UBE2E2: variants seen among roughly 807,000 people sequenced by gnomAD.
The protein encoded by UBE2E2 is ubiquitin-conjugating enzyme E2 E2.
Under a neutral mutation model 24.7 loss-of-function variants are expected in UBE2E2, and 6 were observed. The observed-to-expected ratio is 0.24, with a 90% confidence interval of 0.13 to 0.48. UBE2E2 has a LOEUF of 0.48. Among genes scored for constraint, UBE2E2 ranks in the 20% least tolerant of loss-of-function variants. The pLI is 0.99. For missense variants in UBE2E2, 169 were observed against 245.0 expected (o/e 0.69, Z 2.07); for synonymous variants, 104 against 83.6 (o/e 1.24, Z -1.33).
chr3:23,455,325 TC>T (rs148331482), intron 3 of UBE2E2, among the ~76,000 whole-genome samples: 2,381 of 152,330 alleles, frequency 0.016, 30 homozygotes, highest in Non-Finnish European at 0.024. Context: ...TTTTTTGGTT[TC>T]CCAGTGCATC....
At chr3:23,509,281 T>C (rs1694530814) in intron 4 of UBE2E2, among the ~76,000 whole-genome samples, 1 of 152,260 alleles carries the variant, frequency 6.6e-6, no homozygotes, top group Non-Finnish European at 1.5e-5. Flanking sequence ...TGGAACCAGA[T>C]CAAGACATGG....
At chr3:23,315,784 A>G (rs1694557075) in intron 3 of UBE2E2, among the ~76,000 whole-genome samples, 2 of 151,926 alleles carry the variant, frequency 1.3e-5, no homozygotes, top group Admixed American at 1.3e-4. Context: ...TTGGAACTTG[A>G]GTGCTGTAAT....
At chr3:23,291,570 C>G (rs958129139) in intron 3 of UBE2E2, among the ~76,000 whole-genome samples, 1 of 151,990 alleles carries the variant, frequency 6.6e-6, no homozygotes, top group Non-Finnish European at 1.5e-5. Flanking sequence ...ACCACCTTCA[C>G]AGATTTAGCA....
At chr3:23,526,578 A>G (rs1469363123) in intron 4 of UBE2E2, among the ~76,000 whole-genome samples, 2 of 152,166 alleles carry the variant, frequency 1.3e-5, no homozygotes, top group African/African-American at 4.8e-5. Flanking sequence ...TACTGCAAGT[A>G]TAGTATTGAA....
At chr3:23,450,335 A>T (rs769411752) in intron 3 of UBE2E2, among the ~76,000 whole-genome samples, 2 of 152,158 alleles carry the variant, frequency 1.3e-5, no homozygotes, top group Non-Finnish European at 2.9e-5. Flanking sequence ...GTGGCTACTG[A>T]GTCCTTGACG....
intron 3 of UBE2E2, among the ~76,000 whole-genome samples, chr3:23,456,228 C>T (rs1698676962): frequency 6.6e-6 from 1 of 152,232 alleles, no homozygotes; most frequent in Non-Finnish European, 1.5e-5. Context: ...TTTCTACCAT[C>T]TTTGCAGTTA....
At chr3:23,506,491 T>C (rs183665464) in intron 4 of UBE2E2, among the ~76,000 whole-genome samples, 61 of 152,302 alleles carry the variant, frequency 4.0e-4, no homozygotes, top group African/African-American at 1.4e-3. Flanking sequence ...TGGCTCAATC[T>C]TGACAATAAA....
intron 3 of UBE2E2, among the ~76,000 whole-genome samples, chr3:23,267,518 C>A (rs1055457607): frequency 1.3e-5 from 2 of 152,168 alleles, no homozygotes; most frequent in African/African-American, 4.8e-5. Context: ...GAAGTTGAAT[C>A]TCTGAATAGA....
chr3:23,569,741 A>G (rs1696180335), intron 5 of UBE2E2, among the ~76,000 whole-genome samples: 1 of 152,204 alleles, frequency 6.6e-6, no homozygotes, highest in African/African-American at 2.4e-5. Flanking sequence ...TGTTCTTTAG[A>G]TGAGTTTATT....
At chr3:23,298,726 C>G (rs574763119) in intron 3 of UBE2E2, among the ~76,000 whole-genome samples, 1 of 151,874 alleles carries the variant, frequency 6.6e-6, no homozygotes, top group Non-Finnish European at 1.5e-5. Flanking sequence ...CAATGTTCAT[C>G]AAGGATATTG....
intron 3 of UBE2E2, among the ~76,000 whole-genome samples, chr3:23,218,453 T>C (rs527769057): frequency 6.6e-6 from 1 of 152,224 alleles, no homozygotes; most frequent in East Asian, 1.9e-4. Flanking sequence ...CTTTTGGTGG[T>C]CAATGATTAT....
intron 3 of UBE2E2, among the ~76,000 whole-genome samples, chr3:23,281,641 AAAAAAG>A (rs1698492814): frequency 6.6e-6 from 1 of 152,196 alleles, no homozygotes; most frequent in South Asian, 2.1e-4. Flanking sequence ...CTGTCTGTTT[AAAAAAG>A]AAGGAGAAGG....
intron 3 of UBE2E2, among the ~76,000 whole-genome samples, chr3:23,304,913 A>G (rs769880255): frequency 1.3e-5 from 2 of 151,954 alleles, no homozygotes; most frequent in African/African-American, 4.8e-5. Context: ...AATCTTACCC[A>G]TGGATGATTT....
At chr3:23,433,589 A>G (rs766033647) in intron 3 of UBE2E2, among the ~76,000 whole-genome samples, 83 of 152,028 alleles carry the variant, frequency 5.5e-4, no homozygotes, top group Non-Finnish European at 1.0e-3. Context: ...ATTAACCAGA[A>G]TATGTGATAT....
At chr3:23,272,370 C>T (rs1575522929) in intron 3 of UBE2E2, among the ~76,000 whole-genome samples, 1 of 151,914 alleles carries the variant, frequency 6.6e-6, no homozygotes, top group Non-Finnish European at 1.5e-5. Context: ...AGCCCGGGTT[C>T]CCACCCGTGC....
At position 23,396,330 on chromosome 3, in the gene UBE2E2, C is replaced by CGT. The variant is rs200269443; in HGVS notation, c.228-103277_228-103276dup. 9.1e-3 allele frequency among the ~76,000 whole-genome samples: 881 copies of CGT among 97,328 alleles called. 7 individuals are homozygous for CGT. The highest frequency in any genetic ancestry group is 0.034 in the African/African-American group (843 of 25,018). 63.9% of individuals were successfully genotyped at this position (97,328 alleles called of 152,430 possible). On this transcript the variant is annotated intron_variant, in intron 3 of 5. Coordinates refer to ENST00000396703, the MANE Select transcript of UBE2E2 (RefSeq NM_152653.4). ...ATATATATATATATGTATATATATA[C>CGT]GTATATATATATATAGCATTTTATT...
chr3:23,481,211 A>C (rs148346922), intron 3 of UBE2E2, among the ~76,000 whole-genome samples: 14 of 152,334 alleles, frequency 9.2e-5, no homozygotes, highest in African/African-American at 3.1e-4. Flanking sequence ...GGTTGTCTAT[A>C]ATATATTCTA....
At chr3:23,310,524 A>C (rs1229151561) in intron 3 of UBE2E2, among the ~76,000 whole-genome samples, 1 of 152,190 alleles carries the variant, frequency 6.6e-6, no homozygotes, top group East Asian at 1.9e-4. Context: ...AGAATGGGGA[A>C]TGAAAAGGAA....
intron 3 of UBE2E2, among the ~76,000 whole-genome samples, chr3:23,335,042 T>C (rs1695165487): frequency 6.6e-6 from 1 of 152,216 alleles, no homozygotes; most frequent in Non-Finnish European, 1.5e-5. Flanking sequence ...TGCACATAAA[T>C]GAGTACCATT....
Sources: allele counts gnomAD v4.1 joint callset (sites outside exome capture counted in the v4.1 genomes callset), GRCh38; gene constraint gnomAD v4.1.1; transcripts MANE v1.5; gene names NCBI Gene and HGNC (gene_info 2026-07-23, HGNC 2026-07-21).